The following EBNA1BP2 variants were observed in gnomAD, a reference collection of about 807,000 sequenced individuals.
EBNA1BP2 encodes EBNA1 binding protein 2, also known as probable rRNA-processing protein EBP2.
Under a neutral mutation model 43.5 loss-of-function variants are expected in EBNA1BP2, and 36 were observed. The ratio of observed to expected loss-of-function variants is 0.83; its 90% CI spans 0.63 to 1.09. The LOEUF (loss-of-function observed/expected upper bound fraction) is 1.09, where lower values mean the gene tolerates loss of function less well. EBNA1BP2 is among the 50% of genes least tolerant of loss of function. EBNA1BP2 has a pLI of 0.00. For synonymous variants in EBNA1BP2, 127 were observed against 141.3 expected (o/e 0.90, Z 0.72); for missense variants, 332 against 379.1 (o/e 0.88, Z 1.03).
At chr1:43,170,681 G>A (rs930944877) in intron 4 of EBNA1BP2, 75 bp downstream of exon 4, 1 of 1,543,772 alleles carries the variant, frequency 6.5e-7, no homozygotes, top group Non-Finnish European at 8.7e-7. Flanking sequence ...TGGGCTCATA[G>A]CTATCTTTCT....
At chr1:43,170,942 C>A in intron 3 of EBNA1BP2, 63 bp from the exon 4 acceptor site, 1 of 1,471,550 alleles carries the variant, frequency 6.8e-7, no homozygotes, top group Non-Finnish European at 9.0e-7. Flanking sequence ...TCCTTTTCAC[C>A]GCCAATCATG....
intron 7 of EBNA1BP2, among the ~76,000 whole-genome samples, chr1:43,166,616 A>T (rs1644920046): frequency 6.6e-6 from 1 of 152,074 alleles, no homozygotes. Flanking sequence ...AAAAAAAAAG[A>T]AGTTTAAAAA....
At chr1:43,171,767 G>T in intron 2 of EBNA1BP2, 116 bp from the exon 3 acceptor site, 1 of 1,560,586 alleles carries the variant, frequency 6.4e-7, no homozygotes, top group Non-Finnish European at 8.7e-7. Flanking sequence ...ACAGGTAATT[G>T]ACCCTCTTGG....
chr1:43,169,091 C>T (rs1418848585), intron 4 of EBNA1BP2, 63 bp from the exon 5 acceptor site: 15 of 1,533,670 alleles, frequency 9.8e-6, no homozygotes, highest in Admixed American at 5.0e-5. Context: ...ACTTAGGATT[C>T]GCTAGAGCAG....
At chr1:43,167,421 C>A (rs1212539973) in intron 5 of EBNA1BP2, among the ~76,000 whole-genome samples, 186 bp from the exon 6 acceptor site, 1 of 152,172 alleles carries the variant, frequency 6.6e-6, no homozygotes, top group Non-Finnish European at 1.5e-5. Context: ...GAAGATATAT[C>A]TGTCTCATAA....
At chr1:43,169,310 C>T (rs1644939112) in intron 4 of EBNA1BP2, among the ~76,000 whole-genome samples, 1 of 152,174 alleles carries the variant, frequency 6.6e-6, no homozygotes, top group African/African-American at 2.4e-5. Context: ...CAAACTTCTC[C>T]CCATTTCTAC....
Position 43,172,283 on chromosome 1 carries a change from T to C in EBNA1BP2, c.-165A>G, listed in dbSNP as rs940912373. On this transcript the variant is annotated 5_prime_UTR_variant, in exon 1 of 9. Transcript: ENST00000236051. ...CGCTCCAGCGCCAGCAACTCACAGCTACTGCTCAACTTTTGATTGGGACTT... is the reference window on the plus strand; with the variant it reads ...CGCTCCAGCGCCAGCAACTCACAGCCACTGCTCAACTTTTGATTGGGACTT... The C allele has an allele frequency of 2.6e-5, 40 of 1,552,396 alleles. No homozygotes were observed. The highest frequency in any genetic ancestry group is 5.9e-5 in the Admixed American group (3 of 51,022).
intron 6 of EBNA1BP2, 88 bp from the exon 7 acceptor site, chr1:43,167,007 C>T (rs1056759506): frequency 3.3e-6 from 5 of 1,524,298 alleles, no homozygotes; most frequent in African/African-American, 1.4e-5. Context: ...ATTTGCTACA[C>T]TGATTTTAAG....
At chr1:43,171,739 C>T in intron 2 of EBNA1BP2, 88 bp from the exon 3 acceptor site, 2 of 1,572,130 alleles carry the variant, frequency 1.3e-6, no homozygotes, top group Admixed American at 1.8e-5. Context: ...GGACAAAGTG[C>T]TAATCCCCAA....
chr1:43,172,554 G>A (rs564225908), upstream of EBNA1BP2: 121 of 889,632 alleles, frequency 1.4e-4, 1 homozygote, highest in South Asian at 1.7e-3. Context: ...TGGCGCGGAG[G>A]AGGACCCCGG....
chr1:43,166,767 G>T, intron 7 of EBNA1BP2, 59 bp downstream of exon 7: 1 of 1,529,436 alleles, frequency 6.5e-7, no homozygotes, highest in South Asian at 1.2e-5. Flanking sequence ...CCATACTCGT[G>T]ACCTGTGGCC....
chr1:43,168,593 C>G (rs1410835693), intron 5 of EBNA1BP2, among the ~76,000 whole-genome samples: 5 of 152,164 alleles, frequency 3.3e-5, no homozygotes, highest in Non-Finnish European at 7.3e-5. Flanking sequence ...AAAACAGGCA[C>G]AGATTCCTGG....
chr1:43,168,851 T>C, intron 5 of EBNA1BP2, 88 bp downstream of exon 5: 1 of 1,282,900 alleles, frequency 7.8e-7, no homozygotes, highest in Non-Finnish European at 1.1e-6. Context: ...CACAGTTCCG[T>C]TCAGTTCAGG....
rs1644989922 is a variant in EBNA1BP2, at chr1:43,172,236, G to A, written c.-118C>T. ...GCCTTCAGCCCCCTACTCCCACGCC[G>A]TGGCTCCACGTGCCACCGAATCGCT... On this transcript the variant is annotated 5_prime_UTR_variant, in exon 1 of 9. It adds an upstream start codon to the 5' untranslated region. Transcript: ENST00000236051. 1.3e-6 allele frequency: 2 copies of A among 1,564,182 alleles called. No homozygotes were observed. Among genetic ancestry groups the A allele is most frequent in the Non-Finnish European group, 1.7e-6 (2 of 1,153,346 alleles).
At chr1:43,171,302 C>T in intron 3 of EBNA1BP2, 177 bp downstream of exon 3, 1 of 810,846 alleles carries the variant, frequency 1.2e-6, no homozygotes, top group Non-Finnish European at 1.8e-6. Flanking sequence ...TGGATCGTGA[C>T]CGTGGACCAA....
At chr1:43,169,434 C>T (rs1644939914) in intron 4 of EBNA1BP2, among the ~76,000 whole-genome samples, 3 of 152,154 alleles carry the variant, frequency 2.0e-5, no homozygotes, top group African/African-American at 7.2e-5. Flanking sequence ...TTCAGTCAAA[C>T]ATACACATTT....
In EBNA1BP2 at chr1:43,172,154, ACGGGG is replaced by A. The variant is rs756419833; in HGVS notation, c.-41_-37del. ...GCACGTCCCACACCTACAGGAAGAA[ACGGGG>A]TATCCCGAGACCCAAGCGGCTAGCA... On this transcript the variant is annotated 5_prime_UTR_variant, in exon 1 of 9. Coordinates refer to ENST00000236051, the MANE Select transcript of EBNA1BP2 (RefSeq NM_006824.3). The A allele has an allele frequency of 3.7e-6, 6 of 1,613,822 alleles. No individual in the cohort carries two copies. In the South Asian group the frequency reaches 6.6e-5, roughly 18 times the overall value.
Position 43,172,052 on chromosome 1 carries a change from CCT to C in EBNA1BP2, c.65_66del (p.Glu22ValfsTer46). On this transcript the variant is annotated frameshift_variant and splice_region_variant, in exon 1 of 9. Coordinates refer to ENST00000236051, the MANE Select transcript of EBNA1BP2 (RefSeq NM_006824.3). LOFTEE classifies it high-confidence loss of function. ...ESDESLVTDR[E>X]LQDAFSRGLL... ...GCCCCACGAGCTCGGCTGACACCTA[CCT>C]CTCTGTCTGTGACAAGGGATTCATC... is the stretch of plus-strand genomic sequence containing the variant. The C allele has an allele frequency of 1.9e-6, 3 of 1,614,244 alleles. No individual in the cohort carries two copies.
At chr1:43,168,471 G>A (rs1315006715) in intron 5 of EBNA1BP2, among the ~76,000 whole-genome samples, 1 of 152,156 alleles carries the variant, frequency 6.6e-6, no homozygotes, top group Non-Finnish European at 1.5e-5. Context: ...CTTTCAGATT[G>A]GATGACAATC....
Sources: gnomAD v4.1 joint callset for allele counts (sites outside exome capture counted in the v4.1 genomes callset) on GRCh38, gnomAD v4.1.1 for gene constraint, MANE v1.5 for transcripts, NCBI Gene and HGNC (gene_info 2026-07-23, HGNC 2026-07-21) for gene names.